RNF43: variants seen among roughly 807,000 people sequenced by gnomAD.
The protein encoded by RNF43 is ring finger protein 43.
RNF43 carries 37 observed loss-of-function variants against 78.4 expected under a neutral mutation model. The ratio of observed to expected loss-of-function variants is 0.47; its 90% CI spans 0.36 to 0.62. The LOEUF (loss-of-function observed/expected upper bound fraction) is 0.62. RNF43 is among the 20% of genes least tolerant of loss of function. The probability of loss-of-function intolerance (pLI) is 0.00; values close to 1 mark genes in which losing one functional copy is unlikely to be tolerated. For missense variants in RNF43, 774 were observed against 1,007.9 expected (o/e 0.77, Z 3.14); for synonymous variants, 347 against 395.0 (o/e 0.88, Z 1.44).
rs779781404 is a variant in RNF43 at position 58,370,941 on chromosome 17, G to A, written c.345C>T (p.Ala115=). The A allele has an allele frequency of 8.1e-6, 13 of 1,608,590 alleles. No homozygotes were observed. Among genetic ancestry groups the A allele is most frequent in the Non-Finnish European group, 9.3e-6 (11 of 1,176,940 alleles). Residue 115 remains alanine (A), a synonymous_variant, in exon 3 of 10, where the codon GCC becomes GCT. Coordinates refer to ENST00000407977, the MANE Select transcript of RNF43 (RefSeq NM_017763.6). ...TAGCCAGTGACAGGCAGGGGCGGGG[G>A]GCCCGTCGAGGACTCTCCAGCTTGA... is the stretch of plus-strand genomic sequence containing the variant. ...SIVKLESPRR[A]PRPCLSLASK...
intron 2 of RNF43, among the ~76,000 whole-genome samples, chr17:58,414,097 CTT>C (rs1275905345): frequency 2.0e-5 from 3 of 152,182 alleles, no homozygotes; most frequent in Non-Finnish European, 4.4e-5. Context: ...CAGATATACT[CTT>C]CTTTCCTATT....
intron 2 of RNF43, among the ~76,000 whole-genome samples, chr17:58,400,554 C>T (rs975719612): frequency 6.6e-6 from 1 of 152,054 alleles, no homozygotes; most frequent in Non-Finnish European, 1.5e-5. Context: ...CCATTTATTA[C>T]TATTATTCCC....
chr17:58,379,217 G>A (rs1973265145), intron 2 of RNF43, among the ~76,000 whole-genome samples: 1 of 152,102 alleles, frequency 6.6e-6, no homozygotes, highest in Non-Finnish European at 1.5e-5. Context: ...CACAGTGGAA[G>A]GCTTCAGGGT....
chr17:58,387,610 A>C (rs1332074018), intron 2 of RNF43, among the ~76,000 whole-genome samples: 1 of 152,076 alleles, frequency 6.6e-6, no homozygotes, highest in South Asian at 2.1e-4. Flanking sequence ...CAGTGAGCCA[A>C]GACTGTGCCA....
rs1400050555 is a variant in RNF43, at chr17:58,360,948, G to A, written c.688-4C>T. 4 of 1,559,056 alleles carry A rather than the reference G, an allele frequency of 2.6e-6. No homozygotes were observed. The highest frequency in any genetic ancestry group is 3.5e-6 in the Non-Finnish European group (4 of 1,147,652). ...CTGTTCTCTGCTGAAGCGGATCCTG[G>A]GAAGAGGAATGGGGCTCAGATTGGG... On this transcript the variant is annotated splice_polypyrimidine_tract_variant and splice_region_variant and intron_variant, in intron 6 of 9. Transcript: ENST00000407977. This position sits in a 1 kb window ranked among gnomAD's most constrained non-coding sequence, Gnocchi z 4.3.
At chr17:58,359,927 A>T (rs1369852014) in intron 8 of RNF43, among the ~76,000 whole-genome samples, 1 of 152,286 alleles carries the variant, frequency 6.6e-6, no homozygotes, top group East Asian at 1.9e-4. Context: ...ACTCCGTCTC[A>T]AAAAATAAAA....
At chr17:58,386,720 C>T (rs1402633781) in intron 2 of RNF43, among the ~76,000 whole-genome samples, 1 of 152,224 alleles carries the variant, frequency 6.6e-6, no homozygotes, top group Non-Finnish European at 1.5e-5. Context: ...AGTTCATATG[C>T]TACCTCTTCC....
intron 2 of RNF43, 126 bp downstream of exon 2, chr17:58,415,200 C>CT: frequency 3.2e-6 from 3 of 942,414 alleles, no homozygotes; most frequent in Non-Finnish European, 4.8e-6. Flanking sequence ...AAGGCAGTAT[C>CT]TACTCTTTCT....
chr17:58,391,060 CCTTCAGGCCCT>C (rs1179163062), intron 2 of RNF43, among the ~76,000 whole-genome samples: 1 of 152,188 alleles, frequency 6.6e-6, no homozygotes, highest in Non-Finnish European at 1.5e-5. Context: ...ATCTTATGCT[CCTTCAGGCCCT>C]CTCCAGGGCC....
Position 58,415,787 on chromosome 17 carries a change from C to T in RNF43, c.-210G>A. The stretch of plus-strand genomic sequence containing the variant: ...GATTGGGCAGAGAAGAGGATATTTT[C>T]AGCCCACATCTGCTGCAGGTATGTC... On this transcript the variant is annotated 5_prime_UTR_variant, in exon 2 of 10. It removes the in-frame stop codon of an upstream open reading frame in the 5' UTR. Transcript: ENST00000407977. 1.7e-6 allele frequency: 1 copy of T among 595,526 alleles called. No homozygotes were observed. 36.9% of individuals were successfully genotyped at this position (595,526 alleles called of 1,614,324 possible).
In RNF43 at chr17:58,360,072, G is replaced by A; in HGVS notation, c.952+77C>T. 2 of 1,111,282 alleles carry A rather than the reference G, an allele frequency of 1.8e-6. No homozygotes were observed. The highest frequency in any genetic ancestry group is 2.4e-5 in the East Asian group (1 of 42,490). The allele number at this position is 1,111,282 out of a possible 1,614,324, so 68.8% of individuals were successfully genotyped here. The stretch of plus-strand genomic sequence containing the variant: ...CTGCTTTCTCCCCAGCTTCAAGGCT[G>A]CAACCCTTTCCCAAAGGGAAGCCAC... On this transcript the variant is annotated intron_variant, in intron 8 of 9. Coordinates refer to ENST00000407977, the MANE Select transcript of RNF43 (RefSeq NM_017763.6). This position sits in a 1 kb window ranked among gnomAD's most constrained non-coding sequence, Gnocchi z 4.3.
chr17:58,361,493 T>C (rs1479941574), intron 6 of RNF43, among the ~76,000 whole-genome samples: 1 of 152,236 alleles, frequency 6.6e-6, no homozygotes, highest in Non-Finnish European at 1.5e-5. Flanking sequence ...CTACCATTAC[T>C]GTCACCTGGA....
At chr17:58,390,643 AC>A (rs1317498580) in intron 2 of RNF43, among the ~76,000 whole-genome samples, 1 of 152,232 alleles carries the variant, frequency 6.6e-6, no homozygotes, top group Non-Finnish European at 1.5e-5. Context: ...AATCAGTTGT[AC>A]TTGGTTTTCC....
intron 2 of RNF43, among the ~76,000 whole-genome samples, chr17:58,374,320 G>A (rs2143532056): frequency 6.6e-6 from 1 of 151,866 alleles, no homozygotes; most frequent in South Asian, 2.1e-4. Context: ...TAAAGCATAA[G>A]GACCCAAATA....
At chr17:58,412,659 G>T (rs1255989990) in intron 2 of RNF43, among the ~76,000 whole-genome samples, 2 of 148,798 alleles carry the variant, frequency 1.3e-5, no homozygotes, top group Non-Finnish European at 3.0e-5. Flanking sequence ...TGTCAAGGGG[G>T]GGGGTCTCCT....
Position 58,371,022 on chromosome 17 carries a change from C to T in RNF43, c.264G>A (p.Leu88=), listed in dbSNP as rs146801169. ...CGTCATCACTGGCATTGCACAGGTA[C>T]AGCGGGTGGGACTGCAGAGAGAGAC... ...AEGKLMQSHP[L]YLCNASDDDN... is the part of the protein sequence containing the mutation. Residue 88 remains leucine (L), a synonymous_variant, in exon 3 of 10, where the codon CTG becomes CTA. Transcript: ENST00000407977. 374 of 1,601,026 alleles carry T rather than the reference C, an allele frequency of 2.3e-4. No individual in the cohort carries two copies. The African/African-American group carries it at 4.6e-3, about 20-fold the overall frequency.
chr17:58,406,140 G>A (rs956774977), intron 2 of RNF43, among the ~76,000 whole-genome samples: 1 of 152,088 alleles, frequency 6.6e-6, no homozygotes, highest in African/African-American at 2.4e-5. Flanking sequence ...AGGTATTTTT[G>A]GTCTGTTCAC....
rs759694077 is a variant in RNF43, at chr17:58,357,950, C to T, written c.1826G>A (p.Arg609Gln). The change falls in exon 9 of 10, where the codon CGG (arginine) becomes CAG (glutamine). Residue 609 changes from arginine to glutamine, a missense_variant. Physicochemically the swap from Arg to Gln is conservative, Grantham distance 43. Transcript: ENST00000407977. This position sits in a 1 kb window ranked among gnomAD's most constrained non-coding sequence, Gnocchi z 4.5. ...CCTGGGGCACTGTGGGTTAGAGAGCCGCCCCGAAGGGGCTGCTGAGTTGGA... is the reference window on the plus strand; with the variant it reads ...CCTGGGGCACTGTGGGTTAGAGAGCTGCCCCGAAGGGGCTGCTGAGTTGGA... Reference protein sequence around the residue: ...TRSNSAAPSGRLSNPQCPRAL... With the variant: ...TRSNSAAPSGQLSNPQCPRAL... 8.1e-6 allele frequency: 13 copies of T among 1,611,852 alleles called. No individual in the cohort carries two copies. The highest frequency in any genetic ancestry group is 7.7e-5 in the South Asian group (7 of 90,844).
intron 2 of RNF43, among the ~76,000 whole-genome samples, chr17:58,398,415 A>G (rs570873494): frequency 6.6e-6 from 1 of 152,306 alleles, no homozygotes; most frequent in South Asian, 2.1e-4. Flanking sequence ...CTTTTTTGAT[A>G]TATCTCTGGT....
Sources: allele counts gnomAD v4.1 joint callset (sites outside exome capture counted in the v4.1 genomes callset), GRCh38; gene constraint gnomAD v4.1.1; non-coding constraint Gnocchi (gnomAD v3.1); transcripts MANE v1.5; gene names NCBI Gene and HGNC (gene_info 2026-07-23, HGNC 2026-07-21).